The following SLC16A7 variants were observed in gnomAD, a reference collection of about 807,000 sequenced individuals.
The protein encoded by SLC16A7 is monocarboxylate transporter 2.
In SLC16A7, 33 loss-of-function variants were observed where a neutral mutation model predicts 34.9. The ratio of observed to expected loss-of-function variants is 0.94; its 90% confidence interval spans 0.72 to 1.26. SLC16A7 has a LOEUF of 1.26. Among genes scored for constraint, SLC16A7 ranks in the 50% most tolerant of loss-of-function variants. The pLI, the probability that SLC16A7 is intolerant of heterozygous loss-of-function variation, is 0.00. For missense variants in SLC16A7, 573 were observed against 578.1 expected (o/e 0.99, Z 0.09); for synonymous variants, 201 against 206.6 (o/e 0.97, Z 0.23).
intron 3 of SLC16A7, among the ~76,000 whole-genome samples, chr12:59,713,109 TC>T (rs1364226633): frequency 6.6e-6 from 1 of 152,106 alleles, no homozygotes; most frequent in African/African-American, 2.4e-5. Flanking sequence ...AACCTCTGCC[TC>T]CAGAGTTCAA....
chr12:59,688,634 AT>A (rs1871335870), intron 2 of SLC16A7, among the ~76,000 whole-genome samples: 1 of 152,092 alleles, frequency 6.6e-6, no homozygotes, highest in South Asian at 2.1e-4. Context: ...TTATATCTAA[AT>A]TTTTATGTGG....
chr12:59,648,767 G>A (rs189634995), intron 1 of SLC16A7, among the ~76,000 whole-genome samples: 2 of 152,240 alleles, frequency 1.3e-5, no homozygotes, highest in East Asian at 3.9e-4. Context: ...GAACATCAAT[G>A]TTTAAGCCTC....
chr12:59,636,213 A>G (rs1880418966), intron 1 of SLC16A7, among the ~76,000 whole-genome samples: 1 of 152,146 alleles, frequency 6.6e-6, no homozygotes, highest in Admixed American at 6.6e-5. Context: ...AAATTAAATA[A>G]GAACACTTTC....
intron 2 of SLC16A7, among the ~76,000 whole-genome samples, chr12:59,665,441 A>G (rs1321913711): frequency 1.3e-5 from 2 of 151,580 alleles, no homozygotes; most frequent in African/African-American, 2.4e-5. Context: ...TACTTTGTTG[A>G]AAAAAAATAG....
intron 1 of SLC16A7, among the ~76,000 whole-genome samples, chr12:59,597,630 G>A (rs1019125153): frequency 1.3e-5 from 2 of 152,146 alleles, no homozygotes; most frequent in Admixed American, 6.5e-5. Context: ...ACAGCAGAGG[G>A]CAAATGAGGG....
At chr12:59,650,425 CAGTG>C (rs1211944467) in intron 1 of SLC16A7, among the ~76,000 whole-genome samples, 1 of 152,046 alleles carries the variant, frequency 6.6e-6, no homozygotes, top group African/African-American at 2.4e-5. Flanking sequence ...ATTGTGGAAA[CAGTG>C]AGCAAGATCA....
intron 1 of SLC16A7, among the ~76,000 whole-genome samples, chr12:59,613,020 C>T (rs187718412): frequency 1.2e-4 from 18 of 152,302 alleles, no homozygotes; most frequent in Admixed American, 1.0e-3. Flanking sequence ...TACAGCAGCA[C>T]CCCACTCCTG....
intron 3 of SLC16A7, among the ~76,000 whole-genome samples, chr12:59,709,699 G>T (rs1444428596): frequency 2.0e-5 from 3 of 151,452 alleles, no homozygotes; most frequent in Non-Finnish European, 2.9e-5. Flanking sequence ...AGTAGGCTGT[G>T]GACTTTTTAT....
intron 1 of SLC16A7, among the ~76,000 whole-genome samples, chr12:59,653,270 GAGAA>G (rs1868380054): frequency 6.6e-6 from 1 of 151,618 alleles, no homozygotes; most frequent in South Asian, 2.1e-4. Flanking sequence ...AAAAAGAAAA[GAGAA>G]AGAAAACTTC....
intron 3 of SLC16A7, chr12:59,769,229 C>T (rs755461980): frequency 5.3e-5 from 8 of 152,124 alleles, no homozygotes; most frequent in Middle Eastern, 6.8e-3. Context: ...AAAGTGTAAA[C>T]GTAACTTTTA....
intron 1 of SLC16A7, among the ~76,000 whole-genome samples, chr12:59,616,741 AG>A (rs1195777696): frequency 6.6e-6 from 1 of 152,190 alleles, no homozygotes; most frequent in African/African-American, 2.4e-5. Context: ...TGGAAATTAA[AG>A]GAATTTTATT....
intron 3 of SLC16A7, among the ~76,000 whole-genome samples, chr12:59,757,162 C>T (rs979647308): frequency 1.3e-5 from 2 of 150,302 alleles, no homozygotes; most frequent in Non-Finnish European, 3.0e-5. Context: ...TTCTAAATGA[C>T]GAGTTAATGG....
chr12:59,629,779 C>T lies in SLC16A7; in HGVS notation c.-129-25373C>T, dbSNP rs143270531. ...CTGTGGGTACCTATTGATATTTAGCCTGTCCTTGAAGAAGGACAACTCAGA... is the reference window on the plus strand; with the variant it reads ...CTGTGGGTACCTATTGATATTTAGCTTGTCCTTGAAGAAGGACAACTCAGA... On this transcript the variant is annotated intron_variant, in intron 1 of 5. Transcript: ENST00000547379. Among the ~76,000 whole-genome samples, 60 of 151,910 alleles carry T rather than the reference C, an allele frequency of 3.9e-4. 1 individual carries two copies. The East Asian group carries it at 9.8e-3, about 25-fold the overall frequency.
At chr12:59,677,873 G>C (rs902854337) in intron 2 of SLC16A7, among the ~76,000 whole-genome samples, 6 of 152,236 alleles carry the variant, frequency 3.9e-5, no homozygotes, top group Non-Finnish European at 7.3e-5. Context: ...AAATATTACA[G>C]GATCCTTGGG....
chr12:59,684,198 G>T lies in SLC16A7; in HGVS notation c.-30-20574G>T, dbSNP rs759303249. Among the ~76,000 whole-genome samples, 130 of 152,262 alleles carry T rather than the reference G, an allele frequency of 8.5e-4. 1 individual carries two copies. The highest frequency in any genetic ancestry group is 1.6e-3 in the Non-Finnish European group (111 of 68,008). On this transcript the variant is annotated intron_variant, in intron 2 of 5. Transcript: ENST00000547379. ...TTTTCCTACTTTTTCTAGGCTCAGA[G>T]AAATATACACATTTTGTAGGCTAAG...
At chr12:59,771,056 T>C (rs1474372329) in intron 3 of SLC16A7, among the ~76,000 whole-genome samples, 163 bp from the exon 4 acceptor site, 1 of 152,206 alleles carries the variant, frequency 6.6e-6, no homozygotes, top group Non-Finnish European at 1.5e-5. Flanking sequence ...AAACTGATCA[T>C]TTGTGAAGTA....
At chr12:59,650,809 A>T (rs1486063907) in intron 1 of SLC16A7, among the ~76,000 whole-genome samples, 1 of 152,062 alleles carries the variant, frequency 6.6e-6, no homozygotes, top group Admixed American at 6.6e-5. Flanking sequence ...GGTCAGTTAT[A>T]CTCCCTCTAG....
chr12:59,749,013 C>T (rs1879204641), intron 3 of SLC16A7, among the ~76,000 whole-genome samples: 1 of 152,108 alleles, frequency 6.6e-6, no homozygotes, highest in South Asian at 2.1e-4. Flanking sequence ...AGATGACTTC[C>T]AAGACATCAC....
chr12:59,696,128 A>G (rs1872259845), intron 2 of SLC16A7, among the ~76,000 whole-genome samples: 1 of 151,964 alleles, frequency 6.6e-6, no homozygotes, highest in Non-Finnish European at 1.5e-5. Context: ...TTTCTTTCTT[A>G]TAATAATAGG....
Sources: allele counts gnomAD v4.1 joint callset (sites outside exome capture counted in the v4.1 genomes callset), GRCh38; gene constraint gnomAD v4.1.1; transcripts MANE v1.5; gene names NCBI Gene and HGNC (gene_info 2026-07-23, HGNC 2026-07-21).